Variants in FAM13B observed in about 807,000 individuals in gnomAD.
FAM13B encodes protein FAM13B.
Under a neutral mutation model 117.3 loss-of-function variants are expected in FAM13B, and 60 were observed. The ratio of observed to expected loss-of-function variants is 0.51; its 90% CI spans 0.42 to 0.63. FAM13B has a LOEUF of 0.63. Ranked by LOEUF, FAM13B falls within the 30% of genes least tolerant of loss-of-function variation. The pLI, the probability that FAM13B is intolerant of heterozygous loss-of-function variation, is 0.00. For synonymous variants in FAM13B, 332 were observed against 356.1 expected (o/e 0.93, Z 0.76); for missense variants, 972 against 1,091.9 (o/e 0.89, Z 1.55).
intron 10 of FAM13B, among the ~76,000 whole-genome samples, chr5:137,972,407 A>G (rs1411170279): frequency 6.6e-6 from 1 of 152,168 alleles, no homozygotes; most frequent in Non-Finnish European, 1.5e-5. Flanking sequence ...ACAAAATTCA[A>G]CAACCTTCAT....
intron 7 of FAM13B, among the ~76,000 whole-genome samples, chr5:138,004,900 G>A (rs1471672254): frequency 6.6e-6 from 1 of 152,086 alleles, no homozygotes; most frequent in Non-Finnish European, 1.5e-5. Flanking sequence ...TAAATACACA[G>A]AAGGAGCTAA....
Position 138,032,862 on chromosome 5 carries a change from G to C in FAM13B, c.-283C>G, listed in dbSNP as rs1790527179. Reference sequence around the variant, plus strand: ...GCGACGGCAAGAGGGCGAGAACTGAGGCCCCAAGTGGCTCCGCGGCCGAGA... The same window carrying C: ...GCGACGGCAAGAGGGCGAGAACTGACGCCCCAAGTGGCTCCGCGGCCGAGA... On this transcript the variant is annotated 5_prime_UTR_variant, in exon 1 of 24. Transcript: ENST00000689681. The C allele has an allele frequency of 1.0e-6, 1 of 985,612 alleles. No individual in the cohort carries two copies. The highest frequency in any genetic ancestry group is 1.1e-4 in the East Asian group (1 of 8,828). 61.1% of individuals were successfully genotyped at this position (985,612 alleles called of 1,614,324 possible).
intron 10 of FAM13B, among the ~76,000 whole-genome samples, chr5:137,974,564 C>T (rs1453242057): frequency 6.8e-6 from 1 of 146,400 alleles, no homozygotes; most frequent in Non-Finnish European, 1.5e-5. Flanking sequence ...ACATATGTAA[C>T]TAACCTGCAC....
chr5:137,972,586 CA>C (rs1306499383), intron 10 of FAM13B, among the ~76,000 whole-genome samples: 1 of 151,962 alleles, frequency 6.6e-6, no homozygotes, highest in Non-Finnish European at 1.5e-5. Context: ...TCCTATTCAA[CA>C]TAGTGTTGGA....
Position 138,005,984 on chromosome 5 carries a change from C to T in FAM13B, c.848+1006G>A, listed in dbSNP as rs542438756. Among the ~76,000 whole-genome samples the T allele has an allele frequency of 8.4e-4, 127 of 151,786 alleles. 1 individual carries two copies. The South Asian group carries it at 0.025, about 30-fold the overall frequency. On this transcript the variant is annotated intron_variant, in intron 7 of 23. Coordinates refer to ENST00000689681, the MANE Select transcript of FAM13B (RefSeq NM_001385994.1). ...CGCGATCTCGACTCACTGCAAGCTC[C>T]GCCTCCCGGGTTCATGCCATTCTCC...
chr5:137,983,223 A>T (rs1209380779), intron 10 of FAM13B, among the ~76,000 whole-genome samples: 3 of 147,870 alleles, frequency 2.0e-5, no homozygotes, highest in Non-Finnish European at 4.5e-5. Context: ...AAACCGAGTG[A>T]GATATCCTGA....
intron 1 of FAM13B, chr5:138,039,159 T>C (rs374732128): frequency 2.6e-5 from 4 of 152,250 alleles, no homozygotes; most frequent in African/African-American, 9.6e-5. Flanking sequence ...TAAATTCCTA[T>C]AATCAGCTAG....
At chr5:137,957,332 G>A (rs942896072) in intron 13 of FAM13B, among the ~76,000 whole-genome samples, 86 of 152,086 alleles carry the variant, frequency 5.7e-4, no homozygotes, top group African/African-American at 1.9e-3. Flanking sequence ...ACCCGAGGCC[G>A]GGAGTTTGAG....
chr5:137,987,440 C>A, intron 9 of FAM13B, 21 bp downstream of exon 9: 2 of 1,583,482 alleles, frequency 1.3e-6, no homozygotes, highest in Non-Finnish European at 1.7e-6. Context: ...ATTTAATAAA[C>A]AACAGTAAAA....
chr5:137,940,760 G>A (rs1399299587), intron 23 of FAM13B, among the ~76,000 whole-genome samples: 2 of 152,274 alleles, frequency 1.3e-5, no homozygotes, highest in Non-Finnish European at 2.9e-5. Context: ...TGCAACAAGA[G>A]TAATTTTCTA....
chr5:138,013,636 T>C (rs1784584379), intron 4 of FAM13B, among the ~76,000 whole-genome samples: 1 of 152,230 alleles, frequency 6.6e-6, no homozygotes, highest in African/African-American at 2.4e-5. Context: ...AATGTACCAG[T>C]ACTTCAATTT....
chr5:137,942,473 G>C, intron 22 of FAM13B: 1 of 207,594 alleles, frequency 4.8e-6, no homozygotes, highest in South Asian at 1.0e-4. Context: ...TGATCCTCTT[G>C]CCTCAGCCTC....
chr5:137,973,944 G>T (rs1773109888), intron 10 of FAM13B, among the ~76,000 whole-genome samples: 4 of 142,286 alleles, frequency 2.8e-5, no homozygotes, highest in African/African-American at 1.1e-4. Context: ...TCATTAAAAA[G>T]TCAGGAAACA....
At chr5:138,010,499 T>C (rs1174248510) in intron 6 of FAM13B, among the ~76,000 whole-genome samples, 1 of 152,224 alleles carries the variant, frequency 6.6e-6, no homozygotes, top group African/African-American at 2.4e-5. Context: ...GAGATTTTAA[T>C]ATTCTAGAGT....
chr5:137,964,325 G>A (rs1277329864), intron 10 of FAM13B, among the ~76,000 whole-genome samples: 1 of 151,734 alleles, frequency 6.6e-6, no homozygotes, highest in Non-Finnish European at 1.5e-5. Context: ...TGGCCAGGCT[G>A]GTCTTGAACT....
At chr5:137,965,632 A>G (rs2150336266) in intron 10 of FAM13B, among the ~76,000 whole-genome samples, 1 of 152,260 alleles carries the variant, frequency 6.6e-6, no homozygotes, top group East Asian at 1.9e-4. Flanking sequence ...CAAACACTCA[A>G]TAAATTGCAT....
intron 17 of FAM13B, 38 bp downstream of exon 17, chr5:137,952,590 T>A: frequency 1.4e-6 from 2 of 1,392,136 alleles, no homozygotes; most frequent in Non-Finnish European, 2.0e-6. Context: ...AAAAAATTTT[T>A]AAAATGCAAA....
chr5:138,005,463 AT>A (rs35581730), intron 7 of FAM13B, among the ~76,000 whole-genome samples: 88,647 of 149,034 alleles, frequency 0.59, 26,667 homozygotes, highest in Middle Eastern at 0.7. Context: ...CAACAAAGGT[AT>A]TTTTTTTTTT....
chr5:138,040,289 G>T lies in FAM13B; in HGVS notation c.-203+11589C>A, dbSNP rs562526276. Among the ~76,000 whole-genome samples, 28 of 124,272 alleles carry T rather than the reference G, an allele frequency of 2.3e-4. No individual in the cohort carries two copies. In the Admixed American group the frequency reaches 2.5e-3, roughly 11 times the overall value. 81.5% of individuals were successfully genotyped at this position (124,272 alleles called of 152,430 possible). ...AAAAAAAAAAAAAAAAAAAAAAAAG[G>T]CCGGGCACGGTGGCTCAAGCCTGTA... is the stretch of plus-strand genomic sequence containing the variant. On this transcript the variant is annotated intron_variant, in intron 1 of 3. Transcript: ENST00000502471.
Sources: allele counts gnomAD v4.1 joint callset (sites outside exome capture counted in the v4.1 genomes callset), GRCh38; gene constraint gnomAD v4.1.1; transcripts MANE v1.5; gene names NCBI Gene and HGNC (gene_info 2026-07-23, HGNC 2026-07-21).